The following PRR14L variants were observed in gnomAD, a reference collection of about 807,000 sequenced individuals.
PRR14L encodes protein PRR14L.
A neutral mutation model predicts 155.0 loss-of-function variants in PRR14L; 80 were observed. The ratio of observed to expected loss-of-function variants is 0.52; its 90% confidence interval spans 0.43 to 0.62. The LOEUF (loss-of-function observed/expected upper bound fraction) is 0.62, where lower values mean the gene tolerates loss of function less well. PRR14L is among the 20% of genes least tolerant of loss of function. The probability of loss-of-function intolerance (pLI) is 0.00; values close to 1 mark genes in which losing one functional copy is unlikely to be tolerated. For missense variants in PRR14L, 2,469 were observed against 2,548.0 expected, an observed-to-expected ratio of 0.97 and a Z score of 0.67; for synonymous variants, 883 against 916.0, an observed-to-expected ratio of 0.96 and a Z score of 0.65.
intron 7 of PRR14L, among the ~76,000 whole-genome samples, chr22:31,696,046 C>CT (rs1190686068): frequency 1.3e-5 from 2 of 152,138 alleles, no homozygotes; most frequent in Non-Finnish European, 2.9e-5. Flanking sequence ...GACCAGTGGT[C>CT]TTTAGTGTAC....
intron 1 of PRR14L, among the ~76,000 whole-genome samples, chr22:31,742,809 G>A (rs2074819496): frequency 6.6e-6 from 1 of 152,142 alleles, no homozygotes; most frequent in Non-Finnish European, 1.5e-5. Flanking sequence ...AAAAGTATAA[G>A]CAATCCAAAT....
At chr22:31,707,712 C>A (rs1490665076) in intron 4 of PRR14L, among the ~76,000 whole-genome samples, 1 of 151,998 alleles carries the variant, frequency 6.6e-6, no homozygotes, top group Non-Finnish European at 1.5e-5. Flanking sequence ...AAGCTGTGTG[C>A]CCTAAACACA....
At chr22:31,686,359 C>T (rs5998089) in intron 8 of PRR14L, among the ~76,000 whole-genome samples, 11,418 of 151,250 alleles carry the variant, frequency 0.075, 497 homozygotes, top group Admixed American at 0.14. Context: ...TCGCCCGCCT[C>T]GGCTTCCCAG....
rs36027153 is a variant in PRR14L at position 31,736,052 on chromosome 22, CA to C, written c.474+2334del. ...TGGGCAACAGAGCAAGACTCCATCTCAAAAAAAAAAAAAAAAATTAGCCAAG... is the reference window on the plus strand; with the variant it reads ...TGGGCAACAGAGCAAGACTCCATCTCAAAAAAAAAAAAAAAATTAGCCAAG... On this transcript the variant is annotated intron_variant, in intron 2 of 8. Transcript: ENST00000327423. Among the ~76,000 whole-genome samples the C allele has an allele frequency of 1.4e-3, 122 of 86,968 alleles. 1 individual carries two copies. The highest frequency in any genetic ancestry group is 2.9e-3 in the Admixed American group (24 of 8,154). 57.1% of individuals were successfully genotyped at this position (86,968 alleles called of 152,430 possible). A position where few individuals can be genotyped will look rare whatever the true frequency, so the allele number is the denominator to read the frequency against.
intron 2 of PRR14L, among the ~76,000 whole-genome samples, chr22:31,731,302 T>G (rs909674746): frequency 6.6e-6 from 1 of 152,090 alleles, no homozygotes; most frequent in African/African-American, 2.4e-5. Context: ...CCGTGGCTCA[T>G]GCCTATAATC....
intron 3 of PRR14L, among the ~76,000 whole-genome samples, chr22:31,717,611 G>A (rs965308566): frequency 3.9e-5 from 6 of 152,066 alleles, no homozygotes; most frequent in Non-Finnish European, 7.3e-5. Context: ...TCAGTCTTAA[G>A]AGGCTTTCAT....
chr22:31,714,790 C>T lies in PRR14L; in HGVS notation c.3049G>A (p.Val1017Ile). ...AGTGAGTTATTACTGCCTGAGCTGA[C>T]CAGCAGATCCTTTTGGTTGTGGTTT... ...EVNHNQKDLL[V>I]SSGSNNSLPC... The change falls in exon 4 of 9, where the codon GTC (valine) becomes ATC (isoleucine). Residue 1017 changes from valine to isoleucine, a missense_variant. Physicochemically the swap from Val to Ile is conservative, Grantham distance 29. Coordinates refer to ENST00000327423, the MANE Select transcript of PRR14L (RefSeq NM_173566.3). 6.4e-7 allele frequency: 1 copy of T among 1,552,294 alleles called. No homozygotes were observed. Among genetic ancestry groups the T allele is most frequent in the Non-Finnish European group, 8.7e-7 (1 of 1,147,128 alleles).
chr22:31,717,282 A>T lies in PRR14L; in HGVS notation c.557T>A (p.Val186Glu), dbSNP rs188805566. 1 of 1,541,638 alleles carries T rather than the reference A, an allele frequency of 6.5e-7. No homozygotes were observed. The highest frequency in any genetic ancestry group is 1.4e-5 in the African/African-American group (1 of 72,842). The stretch of plus-strand genomic sequence containing the variant: ...TAGCAGAGTTTCAGCTGTAATCTGT[A>T]CATTTCCTTCTGAATAAGAGAAATA... Reference protein sequence around the residue: ...EDFLRSKEGNVQITAETLLKS... With the variant: ...EDFLRSKEGNEQITAETLLKS... Residue 186 changes from valine to glutamate, a missense_variant, in exon 4 of 9, where the codon GTA (valine) becomes GAA (glutamate). Val to Glu is a moderately radical substitution (Grantham distance 121, BLOSUM62 -2). This residue lies in a region of PRR14L where 2,363 missense variants were observed against 2,371.6 expected (regional missense o/e 1.00). Coordinates refer to ENST00000327423, the MANE Select transcript of PRR14L (RefSeq NM_173566.3).
At chr22:31,737,251 C>G (rs372416150) in intron 2 of PRR14L, among the ~76,000 whole-genome samples, 4 of 151,380 alleles carry the variant, frequency 2.6e-5, no homozygotes, top group Admixed American at 1.3e-4. Flanking sequence ...GAGGCCAAGA[C>G]GGTCGGATCA....
chr22:31,722,735 T>C (rs1179303333), intron 3 of PRR14L, among the ~76,000 whole-genome samples: 1 of 152,080 alleles, frequency 6.6e-6, no homozygotes, highest in Non-Finnish European at 1.5e-5. Flanking sequence ...GGTTTCACTG[T>C]GTTAGCCAAG....
At chr22:31,733,287 G>A (rs138203296) in intron 2 of PRR14L, among the ~76,000 whole-genome samples, 224 of 144,600 alleles carry the variant, frequency 1.5e-3, no homozygotes, top group Admixed American at 5.2e-3. Context: ...GAGCCACCGC[G>A]CCTGGCCACT....
chr22:31,691,683 A>G (rs2074512525), intron 7 of PRR14L, among the ~76,000 whole-genome samples: 1 of 152,064 alleles, frequency 6.6e-6, no homozygotes, highest in Non-Finnish European at 1.5e-5. Context: ...TTCATAGTTA[A>G]CTCCTGTTGT....
chr22:31,704,804 AT>A (rs1319675414), intron 4 of PRR14L, 78 bp from the exon 5 acceptor site: 1 of 1,085,358 alleles, frequency 9.2e-7, no homozygotes, highest in Non-Finnish European at 1.4e-6. Context: ...TATTGTGGGT[AT>A]TAGCACATGA....
intron 8 of PRR14L, 82 bp downstream of exon 8, chr22:31,688,074 C>A: frequency 9.3e-5 from 100 of 1,075,352 alleles, no homozygotes; most frequent in Non-Finnish European, 1.2e-4. Context: ...TGAACATAAA[C>A]TCTTTCTAAA....
At chr22:31,703,780 T>A in intron 5 of PRR14L, 59 bp from the exon 6 acceptor site, 2 of 1,064,470 alleles carry the variant, frequency 1.9e-6, no homozygotes, top group Non-Finnish European at 2.6e-6. Context: ...TCCAGCACAT[T>A]CAACTTCTTC....
chr22:31,685,829 C>T, intron 8 of PRR14L, 26 bp from the exon 9 acceptor site: 1 of 1,545,056 alleles, frequency 6.5e-7, no homozygotes, highest in Admixed American at 2.0e-5. Flanking sequence ...GAAACAATCA[C>T]CAACAGACTG....
intron 1 of PRR14L, among the ~76,000 whole-genome samples, chr22:31,744,675 CCATT>C (rs2074828618): frequency 6.6e-6 from 1 of 152,192 alleles, no homozygotes; most frequent in African/African-American, 2.4e-5. Flanking sequence ...CTTCCCCTCA[CCATT>C]CAATCAGCAC....
chr22:31,734,085 G>A (rs1357981794), intron 2 of PRR14L, among the ~76,000 whole-genome samples: 1 of 152,008 alleles, frequency 6.6e-6, no homozygotes, highest in African/African-American at 2.4e-5. Context: ...CAATTCTCCT[G>A]CCTCATCCTC....
intron 2 of PRR14L, among the ~76,000 whole-genome samples, chr22:31,730,000 A>T (rs1461371097): frequency 6.6e-6 from 1 of 151,634 alleles, no homozygotes; most frequent in Non-Finnish European, 1.5e-5. Context: ...ATACAAAATT[A>T]GGCAGGAATG....
Sources: allele counts gnomAD v4.1 joint callset (sites outside exome capture counted in the v4.1 genomes callset), GRCh38; gene constraint gnomAD v4.1.1; regional missense constraint gnomAD v4.1.1; transcripts MANE v1.5; gene names NCBI Gene and HGNC (gene_info 2026-07-23, HGNC 2026-07-21).